The following NOS1 variants were observed in gnomAD, a reference collection of about 807,000 sequenced individuals.
NOS1 encodes NOS type I.
A neutral mutation model predicts 164.5 loss-of-function variants in NOS1; 51 were observed. The ratio of observed to expected loss-of-function variants is 0.31; its 90% CI spans 0.25 to 0.39. The LOEUF (loss-of-function observed/expected upper bound fraction) is 0.39. Among genes scored for constraint, NOS1 ranks in the 10% least tolerant of loss-of-function variants. The pLI, the probability that NOS1 is intolerant of heterozygous loss-of-function variation, is 1.00. For synonymous variants in NOS1, 719 were observed against 745.8 expected (o/e 0.96, Z 0.59); for missense variants, 1,362 against 1,885.6 (o/e 0.72, Z 5.14).
rs1439768604 is a variant in NOS1 at position 117,360,889 on chromosome 12, G to C, written c.-421+623C>G. On this transcript the variant is annotated intron_variant, in intron 1 of 28. Transcript: ENST00000317775. Reference sequence around the variant, plus strand: ...GCCATTACCGCCAGCGCACAGCTCGGAGCCAAGCGCGCGGCTGAGGAACGA... The same window carrying C: ...GCCATTACCGCCAGCGCACAGCTCGCAGCCAAGCGCGCGGCTGAGGAACGA... Among the ~76,000 whole-genome samples the C allele has an allele frequency of 2.0e-5, 3 of 152,196 alleles. No homozygotes were observed. The East Asian group carries it at 5.8e-4, about 29-fold the overall frequency.
chr12:117,267,050 A>G (rs1872476638), intron 11 of NOS1, among the ~76,000 whole-genome samples: 2 of 152,128 alleles, frequency 1.3e-5, no homozygotes, highest in South Asian at 2.1e-4. Flanking sequence ...TGACATGGGG[A>G]CCTATGGCTT....
intron 2 of NOS1, among the ~76,000 whole-genome samples, chr12:117,321,903 TC>T (rs758140934): frequency 1.3e-5 from 2 of 151,456 alleles, no homozygotes; most frequent in Non-Finnish European, 3.0e-5. Context: ...ACAGAATCCT[TC>T]CTTCCTTCCC....
intron 8 of NOS1, 113 bp from the exon 9 acceptor site, chr12:117,278,211 G>T: frequency 8.0e-7 from 1 of 1,246,412 alleles, no homozygotes; most frequent in Non-Finnish European, 1.1e-6. Context: ...GCCCCCAGGA[G>T]ACATTTCCTC....
At chr12:117,319,019 TGGAGTGGGA>T (rs1197178601) in intron 2 of NOS1, among the ~76,000 whole-genome samples, 1 of 152,172 alleles carries the variant, frequency 6.6e-6, no homozygotes, top group Non-Finnish European at 1.5e-5. Flanking sequence ...TCATCATGCT[TGGAGTGGGA>T]GGAGTGGGAA....
At chr12:117,299,635 C>CAAAAAAA (rs35293946) in intron 3 of NOS1, among the ~76,000 whole-genome samples, 1 of 89,280 alleles carries the variant, frequency 1.1e-5, no homozygotes. Context: ...ACTTTGTCTC[C>CAAAAAAA]AAAAAAAAAA....
chr12:117,219,127 C>T (rs1300944555), intron 27 of NOS1, among the ~76,000 whole-genome samples: 2 of 151,466 alleles, frequency 1.3e-5, no homozygotes, highest in South Asian at 2.1e-4. Flanking sequence ...TACAGGCATG[C>T]GCCACTACGC....
intron 27 of NOS1, among the ~76,000 whole-genome samples, chr12:117,219,293 G>T (rs1368699938): frequency 7.0e-6 from 1 of 142,854 alleles, no homozygotes; most frequent in Admixed American, 6.7e-5. Flanking sequence ...TTTTTGTTTT[G>T]TTTTGTTTTG....
At chr12:117,354,407 T>C (rs1346051545) in intron 1 of NOS1, among the ~76,000 whole-genome samples, 2 of 149,610 alleles carry the variant, frequency 1.3e-5, no homozygotes, top group Non-Finnish European at 2.9e-5. Context: ...CTAAGACTTA[T>C]AACAAACAAG....
chr12:117,262,272 T>A (rs775821589), intron 13 of NOS1, among the ~76,000 whole-genome samples: 1 of 152,000 alleles, frequency 6.6e-6, no homozygotes, highest in Non-Finnish European at 1.5e-5. Context: ...TCCCTCCCCT[T>A]TCCCCCCAGA....
At chr12:117,298,707 T>C (rs964327944) in intron 3 of NOS1, among the ~76,000 whole-genome samples, 1 of 152,130 alleles carries the variant, frequency 6.6e-6, no homozygotes, top group African/African-American at 2.4e-5. Flanking sequence ...GACGGCCACC[T>C]ACAAGCCAAG....
At position 117,208,647 on chromosome 12, in the gene NOS1, G is replaced by C. The variant is rs1956479972; in HGVS notation, c.*6662C>G. 1 of 1,156,050 alleles carries C rather than the reference G, an allele frequency of 8.7e-7. No homozygotes were observed. Among genetic ancestry groups the C allele is most frequent in the Non-Finnish European group, 1.1e-6 (1 of 924,068 alleles). 71.6% of individuals were successfully genotyped at this position (1,156,050 alleles called of 1,614,324 possible). ...CCCAGCTCAAGAGCACTGGATCTCA[G>C]TGAGTCTTAATCAGAACCAACACCA... On this transcript the variant is annotated 3_prime_UTR_variant, in exon 29 of 29. Transcript: ENST00000317775.
intron 26 of NOS1, 24 bp downstream of exon 26, chr12:117,222,691 A>T: frequency 6.2e-7 from 1 of 1,610,278 alleles, no homozygotes; most frequent in South Asian, 1.1e-5. Context: ...GGGCTGGGCT[A>T]GGGGGTGGGC....
intron 20 of NOS1, among the ~76,000 whole-genome samples, chr12:117,241,700 T>C (rs1442962024): frequency 1.3e-5 from 2 of 152,202 alleles, no homozygotes; most frequent in South Asian, 2.1e-4. Flanking sequence ...TGTGATCATT[T>C]TGAGAAGACG....
rs758837396 is a variant in NOS1, at chr12:117,260,585, C to A, written c.2247G>T (p.Leu749=). The A allele has an allele frequency of 1.9e-6, 3 of 1,613,926 alleles. No homozygotes were observed. Among genetic ancestry groups the A allele is most frequent in the Non-Finnish European group, 2.5e-6 (3 of 1,179,882 alleles). Residue 749 remains leucine, a synonymous_variant, in exon 14 of 29, where the codon CTG becomes CTT. Transcript: ENST00000317775. ...CCCTCTTGGCCATAGCCTGCCCCAT[C>A]AGCTTGGCCGAGAACTTGACAGCTC... ...LAEAVKFSAK[L]MGQAMAKRVK...
rs1045026256 is a variant in NOS1 at position 117,215,080 on chromosome 12, A to G, written c.*229T>C. ...AGAGGGAGTGGGAACAGAGTTTTGT[A>G]AGAGCCACTGCAGATTAGAAAAGCA... On this transcript the variant is annotated 3_prime_UTR_variant, in exon 29 of 29. Transcript: ENST00000317775. 1.4e-5 allele frequency: 17 copies of G among 1,227,244 alleles called. No individual in the cohort carries two copies. The highest frequency in any genetic ancestry group is 3.1e-5 in the African/African-American group (2 of 64,186). 76.0% of individuals were successfully genotyped at this position (1,227,244 alleles called of 1,614,324 possible).
chr12:117,211,086 A>G lies in NOS1; in HGVS notation c.*4223T>C. 1 of 567,488 alleles carries G rather than the reference A, an allele frequency of 1.8e-6. No homozygotes were observed. The highest frequency in any genetic ancestry group is 2.2e-6 in the Non-Finnish European group (1 of 448,682). 35.2% of individuals were successfully genotyped at this position (567,488 alleles called of 1,614,324 possible). On this transcript the variant is annotated 3_prime_UTR_variant, in exon 29 of 29. Coordinates refer to ENST00000317775, the MANE Select transcript of NOS1 (RefSeq NM_000620.5). Reference sequence around the variant, plus strand: ...ATCCTCCTTCCTCAGCCTCCCAGGTAGCTGAGACTACAGGCGCATGCCACC... The same window carrying G: ...ATCCTCCTTCCTCAGCCTCCCAGGTGGCTGAGACTACAGGCGCATGCCACC...
rs1956628090 is a variant in NOS1, at chr12:117,217,386, A to G, written c.4289+660T>C. On this transcript the variant is annotated intron_variant, in intron 28 of 28. Transcript: ENST00000317775. ...CTAAACCCCAGTAGGTAAAAAACAA[A>G]CAAGACAGATACTTCTGGTAGAAAT... 4.6e-5 allele frequency among the ~76,000 whole-genome samples: 7 copies of G among 152,236 alleles called. 1 individual carries two copies. In the South Asian group the frequency reaches 1.5e-3, roughly 32 times the overall value.
chr12:117,313,150 C>G (rs1482650146), intron 2 of NOS1, among the ~76,000 whole-genome samples: 3 of 152,128 alleles, frequency 2.0e-5, no homozygotes, highest in African/African-American at 7.2e-5. Flanking sequence ...TCCTCGGCAT[C>G]AGGACCACAC....
chr12:117,299,643 AAAAAAAG>A (rs1308926604), intron 3 of NOS1, among the ~76,000 whole-genome samples: 7 of 143,674 alleles, frequency 4.9e-5, no homozygotes, highest in African/African-American at 1.3e-4. Context: ...TCCAAAAAAA[AAAAAAAG>A]AAAAAAAGAA....
Sources: allele counts gnomAD v4.1 joint callset (sites outside exome capture counted in the v4.1 genomes callset), GRCh38; gene constraint gnomAD v4.1.1; transcripts MANE v1.5; gene names NCBI Gene and HGNC (gene_info 2026-07-23, HGNC 2026-07-21).